Variants in RFPL1 observed in about 807,000 individuals in gnomAD.
The protein encoded by RFPL1 is ret finger protein like 1, also known as ret finger protein-like 1.
A neutral mutation model predicts 9.6 loss-of-function variants in RFPL1; 6 were observed. That is an observed-to-expected ratio of 0.62 (90% CI 0.34 to 1.23). The LOEUF is 1.23. Among genes scored for constraint, RFPL1 ranks in the 50% most tolerant of loss-of-function variants. The pLI is 0.03. For synonymous variants in RFPL1, 145 were observed against 149.4 expected, an observed-to-expected ratio of 0.97 and a Z score of 0.22; for missense variants, 352 against 398.4, an observed-to-expected ratio of 0.88 and a Z score of 0.99.
the RFPL1 span, among the ~76,000 whole-genome samples, chr22:29,424,838 C>CA: frequency 9.2e-6 from 1 of 108,750 alleles, no homozygotes; most frequent in African/African-American, 3.6e-5. Context: ...CTCCCACCCC[C>CA]CCCCCCGCAA....
chr22:29,396,976 G>A, the RFPL1 span, among the ~76,000 whole-genome samples: 1 of 140,416 alleles, frequency 7.1e-6, no homozygotes. Flanking sequence ...GCTTGATCTC[G>A]GCTCACTGCA....
the RFPL1 span, among the ~76,000 whole-genome samples, chr22:29,403,474 T>C: frequency 0.35 from 53,135 of 151,076 alleles, 10,925 homozygotes; most frequent in East Asian, 0.56. Context: ...GACCAGCGGC[T>C]GTGTGAGAAT....
At chr22:29,424,102 C>T in the RFPL1 span, among the ~76,000 whole-genome samples, 1 of 152,086 alleles carries the variant, frequency 6.6e-6, no homozygotes, top group Non-Finnish European at 1.5e-5. Context: ...ATCACTGGAA[C>T]CCGGGAGACG....
chr22:29,429,120 A>G, the RFPL1 span, among the ~76,000 whole-genome samples: 1 of 152,150 alleles, frequency 6.6e-6, no homozygotes, highest in Non-Finnish European at 1.5e-5. Flanking sequence ...CAGTGGCATG[A>G]TCATGGCTCA....
chr22:29,425,828 G>A, the RFPL1 span, among the ~76,000 whole-genome samples: 5 of 151,988 alleles, frequency 3.3e-5, no homozygotes, highest in African/African-American at 1.2e-4. Flanking sequence ...GGGAGGTGAG[G>A]GTTGAGGTGA....
At chr22:29,441,870 T>A in exon 2 of RFPL1, 1 of 1,613,826 alleles carries the variant, frequency 6.2e-7, no homozygotes, top group Non-Finnish European at 8.5e-7. Context: ...TGCCGCTGAC[T>A]TTCCTCTTCG....
the RFPL1 span, among the ~76,000 whole-genome samples, chr22:29,397,151 C>T: frequency 4.0e-5 from 6 of 150,572 alleles, no homozygotes; most frequent in African/African-American, 9.8e-5. Flanking sequence ...CCTCGTGATC[C>T]GCCCACCTCG....
At chr22:29,439,283 C>T (rs985040790) in intron 1 of RFPL1, 119 bp downstream of exon 1, 12 of 1,350,544 alleles carry the variant, frequency 8.9e-6, no homozygotes, top group Non-Finnish European at 1.2e-5. Context: ...AATTGAGATG[C>T]TTCTTCATCA....
At chr22:29,399,573 C>A in the RFPL1 span, among the ~76,000 whole-genome samples, 1 of 152,214 alleles carries the variant, frequency 6.6e-6, no homozygotes, top group African/African-American at 2.4e-5. Flanking sequence ...GGTCTTTTCC[C>A]CTTCCACTGT....
At chr22:29,442,032 A>C in exon 2 of RFPL1, 1 of 1,613,986 alleles carries the variant, frequency 6.2e-7, no homozygotes, top group Non-Finnish European at 8.5e-7. Flanking sequence ...CTCCAAGTCC[A>C]CCTAATGGTG....
At chr22:29,432,151 G>A in the RFPL1 span, among the ~76,000 whole-genome samples, 2 of 152,150 alleles carry the variant, frequency 1.3e-5, no homozygotes, top group African/African-American at 4.8e-5. Flanking sequence ...TCCTTCATTT[G>A]CAAGACATTA....
At chr22:29,410,613 C>CTATCTATATATAGATATATATAGATA in the RFPL1 span, among the ~76,000 whole-genome samples, 1 of 127,082 alleles carries the variant, frequency 7.9e-6, no homozygotes, top group Non-Finnish European at 1.6e-5. Context: ...ATAGATATAT[C>CTATCTATATATAGATATATATAGATA]TATCTATATA....
the RFPL1 span, among the ~76,000 whole-genome samples, chr22:29,395,692 G>C: frequency 6.6e-6 from 1 of 152,020 alleles, no homozygotes; most frequent in Admixed American, 6.5e-5. Flanking sequence ...CAGGCTCTCA[G>C]ATGGGCACAG....
At chr22:29,441,184 C>T (rs991363954) in intron 1 of RFPL1, 53 of 272,568 alleles carry the variant, frequency 1.9e-4, no homozygotes, top group Non-Finnish European at 2.6e-4. Flanking sequence ...TATTTAACAT[C>T]GACCATTTGC....
At chr22:29,418,796 C>A in the RFPL1 span, among the ~76,000 whole-genome samples, 1 of 152,136 alleles carries the variant, frequency 6.6e-6, no homozygotes, top group Non-Finnish European at 1.5e-5. Context: ...CTGCGCCTGG[C>A]CCAGATTTCC....
chr22:29,398,638 A>T, the RFPL1 span, among the ~76,000 whole-genome samples: 2 of 152,164 alleles, frequency 1.3e-5, no homozygotes, highest in African/African-American at 4.8e-5. Flanking sequence ...TCTGATGCCC[A>T]TTCCTCGGGG....
the RFPL1 span, among the ~76,000 whole-genome samples, chr22:29,429,517 C>A: frequency 6.6e-6 from 1 of 152,164 alleles, no homozygotes; most frequent in Admixed American, 6.5e-5. Context: ...TCATTAGAAA[C>A]TATTATGAGT....
the RFPL1 span, among the ~76,000 whole-genome samples, chr22:29,426,153 T>C: frequency 6.6e-6 from 1 of 151,246 alleles, no homozygotes; most frequent in Non-Finnish European, 1.5e-5. Flanking sequence ...CCAAACCCCT[T>C]CTCCACTAAA....
At chr22:29,392,560 T>TTGTATTTGTAGTACAGA in the RFPL1 span, among the ~76,000 whole-genome samples, 3 of 151,980 alleles carry the variant, frequency 2.0e-5, no homozygotes, top group African/African-American at 7.3e-5. Context: ...TGGTTAATTT[T>TTGTATTTGTAGTACAGA]TGTATTTGTA....
Sources: allele counts gnomAD v4.1 joint callset (sites outside exome capture counted in the v4.1 genomes callset), GRCh38; gene constraint gnomAD v4.1.1; transcripts MANE v1.5; gene names NCBI Gene and HGNC (gene_info 2026-07-23, HGNC 2026-07-21).